GLRA3: variants seen among roughly 807,000 people sequenced by gnomAD.
GLRA3 encodes the protein glycine receptor alpha 3, also known as glycine receptor subunit alpha-3.
GLRA3 carries 44 observed loss-of-function variants against 60.4 expected under a neutral mutation model. That is an observed-to-expected ratio of 0.73 (90% CI 0.57 to 0.94). The LOEUF is 0.94. Among genes scored for constraint, GLRA3 ranks in the 40% least tolerant of loss-of-function variants. The pLI, the probability that GLRA3 is intolerant of heterozygous loss-of-function variation, is 0.00. For synonymous variants in GLRA3, 223 were observed against 192.9 expected (o/e 1.16, Z -1.29); for missense variants, 508 against 564.6 (o/e 0.90, Z 1.02).
intron 2 of GLRA3, among the ~76,000 whole-genome samples, chr4:174,782,775 C>T (rs555861270): frequency 1.4e-3 from 208 of 151,950 alleles, no homozygotes; most frequent in African/African-American, 4.6e-3. Context: ...TGTGAAGGAC[C>T]TCTTCAAGGA....
At chr4:174,791,184 A>T (rs1739333766) in intron 1 of GLRA3, among the ~76,000 whole-genome samples, 1 of 152,148 alleles carries the variant, frequency 6.6e-6, no homozygotes, top group Admixed American at 6.6e-5. Context: ...ATTTATCCTT[A>T]TAAAAAGGAG....
chr4:174,642,182 C>CAATTGTA lies in GLRA3; in HGVS notation c.*1597_*1603dup, dbSNP rs1732641553. The CAATTGTA allele has an allele frequency of 1.2e-6, 1 of 858,638 alleles. No homozygotes were observed. The highest frequency in any genetic ancestry group is 1.2e-4 in the East Asian group (1 of 8,220). 53.2% of individuals were successfully genotyped at this position (858,638 alleles called of 1,614,324 possible). On this transcript the variant is annotated 3_prime_UTR_variant, in exon 10 of 10. Coordinates refer to ENST00000274093, the MANE Select transcript of GLRA3 (RefSeq NM_006529.4). ...TTTAAAATGTTATTTTAAAAAATTA[C>CAATTGTA]AATTGTATAAGCTGATGTACAATAA...
chr4:174,682,324 G>GATATATATC (rs1446214733), intron 6 of GLRA3, among the ~76,000 whole-genome samples: 3 of 152,088 alleles, frequency 2.0e-5, no homozygotes, highest in Non-Finnish European at 4.4e-5. Context: ...TTTATCTCAA[G>GATATATATC]TGTCTTAGTG....
intron 2 of GLRA3, among the ~76,000 whole-genome samples, chr4:174,767,798 T>C (rs898977814): frequency 2.6e-5 from 4 of 152,054 alleles, no homozygotes; most frequent in Non-Finnish European, 4.4e-5. Flanking sequence ...ATACTGGGAC[T>C]CTCTGAGGAC....
chr4:174,778,427 A>C (rs1352006835), intron 2 of GLRA3, among the ~76,000 whole-genome samples: 1 of 151,882 alleles, frequency 6.6e-6, no homozygotes, highest in Non-Finnish European at 1.5e-5. Flanking sequence ...AGCTAACCAG[A>C]TCTGATGTGA....
At chr4:174,730,280 G>A (rs928063205) in intron 3 of GLRA3, among the ~76,000 whole-genome samples, 9 of 152,132 alleles carry the variant, frequency 5.9e-5, no homozygotes, top group African/African-American at 2.2e-4. Context: ...TCCATGGTTG[G>A]TGGCCAGTTC....
intron 3 of GLRA3, among the ~76,000 whole-genome samples, chr4:174,733,417 G>A (rs1034360346): frequency 1.3e-5 from 2 of 152,146 alleles, no homozygotes; most frequent in Non-Finnish European, 2.9e-5. Flanking sequence ...CCTTCTGGCT[G>A]TGAAGAGACT....
chr4:174,763,714 G>A (rs1318036808), intron 3 of GLRA3, among the ~76,000 whole-genome samples: 1 of 152,050 alleles, frequency 6.6e-6, no homozygotes, highest in South Asian at 2.1e-4. Context: ...AAATAATCAC[G>A]TGCTTCTTTT....
intron 3 of GLRA3, among the ~76,000 whole-genome samples, chr4:174,741,091 A>G (rs560487766): frequency 2.5e-4 from 38 of 152,120 alleles, no homozygotes; most frequent in Non-Finnish European, 4.9e-4. Context: ...GTAAGTAAAT[A>G]TCTACGAGTG....
At chr4:174,801,439 G>A (rs1350764627) in intron 1 of GLRA3, among the ~76,000 whole-genome samples, 1 of 151,958 alleles carries the variant, frequency 6.6e-6, no homozygotes, top group African/African-American at 2.4e-5. Flanking sequence ...ATCTCCACTT[G>A]GATATCTGAC....
intron 3 of GLRA3, among the ~76,000 whole-genome samples, chr4:174,756,685 C>T (rs1333093792): frequency 7.1e-6 from 1 of 140,004 alleles, no homozygotes; most frequent in Non-Finnish European, 1.5e-5. Context: ...CGCTCTTTTG[C>T]CCAGGCTGGA....
At chr4:174,785,400 A>G (rs1739082172) in intron 2 of GLRA3, among the ~76,000 whole-genome samples, 1 of 152,146 alleles carries the variant, frequency 6.6e-6, no homozygotes, top group Non-Finnish European at 1.5e-5. Context: ...TTATACTATT[A>G]CTCCAGAAAT....
chr4:174,729,647 A>T (rs76384691), intron 3 of GLRA3, among the ~76,000 whole-genome samples: 2,383 of 152,326 alleles, frequency 0.016, 63 homozygotes, highest in African/African-American at 0.053. Context: ...TACACAGTAT[A>T]TGAAAATAAG....
intron 1 of GLRA3, among the ~76,000 whole-genome samples, chr4:174,828,126 A>G (rs1741052167): frequency 6.6e-6 from 1 of 152,154 alleles, no homozygotes; most frequent in South Asian, 2.1e-4. Flanking sequence ...TCATAGTTTA[A>G]TGGCTTTGTT....
Position 174,663,418 on chromosome 4 carries a change from T to C in GLRA3, c.928-4221A>G, listed in dbSNP as rs184982147. Among the ~76,000 whole-genome samples, 679 of 152,316 alleles carry C rather than the reference T, an allele frequency of 4.5e-3. 1 individual carries two copies. The highest frequency in any genetic ancestry group is 0.01 in the Middle Eastern group (3 of 292). ...GAACGAATATGACTCATAAAGTATT[T>C]GTGCATTCTTGAGCATCCTGAATCC... On this transcript the variant is annotated intron_variant, in intron 7 of 9. Transcript: ENST00000274093.
intron 6 of GLRA3, among the ~76,000 whole-genome samples, chr4:174,679,540 T>A (rs1300377754): frequency 6.6e-6 from 1 of 152,008 alleles, no homozygotes; most frequent in African/African-American, 2.4e-5. Flanking sequence ...GACTACGGGG[T>A]ATATATCCAA....
At chr4:174,767,705 G>A (rs915321440) in intron 2 of GLRA3, among the ~76,000 whole-genome samples, 2 of 152,080 alleles carry the variant, frequency 1.3e-5, no homozygotes, top group Admixed American at 6.6e-5. Context: ...TTGGGGACAT[G>A]TCTTCAGTGC....
At chr4:174,785,427 A>G (rs570324865) in intron 2 of GLRA3, among the ~76,000 whole-genome samples, 1 of 152,182 alleles carries the variant, frequency 6.6e-6, no homozygotes, top group Admixed American at 6.5e-5. Context: ...ATAATTATGT[A>G]TATAATGCTG....
chr4:174,734,298 A>C (rs1185665872), intron 3 of GLRA3, among the ~76,000 whole-genome samples: 1 of 152,218 alleles, frequency 6.6e-6, no homozygotes, highest in Non-Finnish European at 1.5e-5. Context: ...CAGGAAGCAC[A>C]GAATACCGAC....
Sources: allele counts gnomAD v4.1 joint callset (sites outside exome capture counted in the v4.1 genomes callset), GRCh38; gene constraint gnomAD v4.1.1; transcripts MANE v1.5; gene names NCBI Gene and HGNC (gene_info 2026-07-23, HGNC 2026-07-21).